GALNT13: variants seen among roughly 807,000 people sequenced by gnomAD.
GALNT13 encodes UDP-GalNAc:polypeptide N-acetylgalactosaminyltransferase 13.
GALNT13 carries 28 observed loss-of-function variants against 64.2 expected under a neutral mutation model. The ratio of observed to expected loss-of-function variants is 0.44; its 90% CI spans 0.32 to 0.60. GALNT13 has a LOEUF of 0.60. GALNT13 is among the 20% of genes least tolerant of loss of function. The pLI, the probability that GALNT13 is intolerant of heterozygous loss-of-function variation, is 0.05. For missense variants in GALNT13, 577 were observed against 669.8 expected, an observed-to-expected ratio of 0.86 and a Z score of 1.53; for synonymous variants, 214 against 224.6, an observed-to-expected ratio of 0.95 and a Z score of 0.42.
At chr2:154,062,677 G>A (rs1372173329) in intron 3 of GALNT13, among the ~76,000 whole-genome samples, 1 of 152,150 alleles carries the variant, frequency 6.6e-6, no homozygotes, top group African/African-American at 2.4e-5. Context: ...CTGCTCCCAT[G>A]ATCTAATCAC....
intron 8 of GALNT13, among the ~76,000 whole-genome samples, chr2:154,274,654 A>G (rs1392260961): frequency 6.6e-6 from 1 of 152,110 alleles, no homozygotes; most frequent in Non-Finnish European, 1.5e-5. Flanking sequence ...AAGCCTTACA[A>G]GCCATGCTGA....
the GALNT13 span, among the ~76,000 whole-genome samples, chr2:153,676,365 G>A: frequency 6.6e-6 from 1 of 151,972 alleles, no homozygotes; most frequent in African/African-American, 2.4e-5. Context: ...AATTGAATCA[G>A]TAAGACAAAG....
chr2:154,172,668 GTA>G (rs1685426379), intron 4 of GALNT13, among the ~76,000 whole-genome samples: 1 of 136,494 alleles, frequency 7.3e-6, no homozygotes, highest in Non-Finnish European at 1.6e-5. Flanking sequence ...GTGTGTGTGT[GTA>G]TGCGCATACA....
chr2:153,695,163 C>G, the GALNT13 span, among the ~76,000 whole-genome samples: 2 of 152,154 alleles, frequency 1.3e-5, no homozygotes, highest in Admixed American at 1.3e-4. Flanking sequence ...TCAACAGAGA[C>G]TCAGTGCCCA....
intron 4 of GALNT13, among the ~76,000 whole-genome samples, chr2:154,206,146 C>T (rs1437668041): frequency 3.3e-5 from 5 of 151,476 alleles, no homozygotes; most frequent in African/African-American, 7.3e-5. Flanking sequence ...TACAGGCGCC[C>T]GCCACCACGC....
the GALNT13 span, among the ~76,000 whole-genome samples, chr2:153,414,119 TA>T: frequency 2.6e-5 from 4 of 152,180 alleles, no homozygotes; most frequent in African/African-American, 9.6e-5. Context: ...CTCACACTTA[TA>T]ATCCCAGCAC....
At chr2:154,344,731 T>C (rs773499156) in intron 9 of GALNT13, among the ~76,000 whole-genome samples, 1 of 152,060 alleles carries the variant, frequency 6.6e-6, no homozygotes, top group Non-Finnish European at 1.5e-5. Context: ...AATTCTCTTA[T>C]TTCTAGAGCA....
At chr2:153,178,191 CAT>C in the GALNT13 span, among the ~76,000 whole-genome samples, 1 of 152,144 alleles carries the variant, frequency 6.6e-6, no homozygotes, top group African/African-American at 2.4e-5. Flanking sequence ...ATCTCTTTGA[CAT>C]ACTGACTTCA....
chr2:153,973,179 GT>G (rs1693855838), intron 3 of GALNT13, among the ~76,000 whole-genome samples: 1 of 151,956 alleles, frequency 6.6e-6, no homozygotes, highest in African/African-American at 2.4e-5. Context: ...TAGACAAGTA[GT>G]AGAGGCCAAG....
chr2:154,326,618 C>T (rs376757775), intron 9 of GALNT13, among the ~76,000 whole-genome samples: 1 of 151,950 alleles, frequency 6.6e-6, no homozygotes, highest in Non-Finnish European at 1.5e-5. Context: ...ACAATTTTTC[C>T]GTTCCTTTGG....
At chr2:153,750,193 A>G in the GALNT13 span, among the ~76,000 whole-genome samples, 2 of 151,844 alleles carry the variant, frequency 1.3e-5, no homozygotes, top group South Asian at 4.1e-4. Context: ...TTCATGATGA[A>G]TGATCTTTCT....
chr2:153,200,878 C>T, the GALNT13 span, among the ~76,000 whole-genome samples: 1 of 152,108 alleles, frequency 6.6e-6, no homozygotes, highest in Non-Finnish European at 1.5e-5. Context: ...TTTTGTTTCT[C>T]CTGAAGGCAC....
At chr2:153,260,293 T>C in the GALNT13 span, among the ~76,000 whole-genome samples, 2 of 152,220 alleles carry the variant, frequency 1.3e-5, no homozygotes, top group African/African-American at 4.8e-5. Context: ...TACCAGTGAA[T>C]TTTATACCTT....
chr2:154,397,497 C>A (rs950064553), intron 10 of GALNT13, among the ~76,000 whole-genome samples: 3 of 152,126 alleles, frequency 2.0e-5, no homozygotes, highest in Non-Finnish European at 2.9e-5. Context: ...TAAACATATT[C>A]TTAGATTTAA....
At chr2:153,794,446 A>G in the GALNT13 span, among the ~76,000 whole-genome samples, 144 of 152,220 alleles carry the variant, frequency 9.5e-4, 1 homozygote, top group Admixed American at 4.5e-3. Context: ...GCTAAACACA[A>G]TTGTGGTTAA....
chr2:154,308,520 G>A (rs1693864159), intron 9 of GALNT13, among the ~76,000 whole-genome samples: 1 of 152,024 alleles, frequency 6.6e-6, no homozygotes, highest in African/African-American at 2.4e-5. Flanking sequence ...GGCTGATTTT[G>A]CAACCACATT....
chr2:153,468,254 A>G, the GALNT13 span, among the ~76,000 whole-genome samples: 1 of 152,240 alleles, frequency 6.6e-6, no homozygotes, highest in Admixed American at 6.5e-5. Context: ...TACACAGCAC[A>G]TTAAGCATGA....
At chr2:154,303,984 CTGACTTCCAG>C (rs1693594764) in intron 9 of GALNT13, among the ~76,000 whole-genome samples, 1 of 152,088 alleles carries the variant, frequency 6.6e-6, no homozygotes, top group Non-Finnish European at 1.5e-5. Flanking sequence ...TCTCGAACTC[CTGACTTCCAG>C]TGATCCGCCT....
At chr2:153,133,307 G>A in the GALNT13 span, among the ~76,000 whole-genome samples, 1 of 152,040 alleles carries the variant, frequency 6.6e-6, no homozygotes, top group Non-Finnish European at 1.5e-5. Context: ...CAAGTAAAAA[G>A]GGATCCCCAG....
Sources: gnomAD v4.1 joint callset for allele counts (sites outside exome capture counted in the v4.1 genomes callset) on GRCh38, gnomAD v4.1.1 for gene constraint, MANE v1.5 for transcripts, NCBI Gene and HGNC (gene_info 2026-07-23, HGNC 2026-07-21) for gene names.